The following DLG2 variants were observed in gnomAD, a reference collection of about 807,000 sequenced individuals.
DLG2 encodes the protein discs large MAGUK scaffold protein 2, also known as disks large homolog 2.
A neutral mutation model predicts 132.5 loss-of-function variants in DLG2; 45 were observed. The observed-to-expected ratio is 0.34, with a 90% CI of 0.27 to 0.44. The LOEUF (loss-of-function observed/expected upper bound fraction) is 0.44. DLG2 is among the 20% of genes least tolerant of loss of function. The pLI is 1.00. For synonymous variants in DLG2, 424 were observed against 419.6 expected (o/e 1.01, Z -0.13); for missense variants, 1,045 against 1,196.9 (o/e 0.87, Z 1.87).
chr11:84,569,410 A>G (rs1363952889), intron 6 of DLG2, among the ~76,000 whole-genome samples: 1 of 152,258 alleles, frequency 6.6e-6, no homozygotes, highest in Non-Finnish European at 1.5e-5. Flanking sequence ...ATGGAGATAT[A>G]TAAATGACTG....
At chr11:85,228,944 T>C (rs2152636438) in intron 4 of DLG2, among the ~76,000 whole-genome samples, 1 of 151,460 alleles carries the variant, frequency 6.6e-6, no homozygotes, top group East Asian at 1.9e-4. Flanking sequence ...ATATATATAG[T>C]ATTTTATTTT....
intron 6 of DLG2, among the ~76,000 whole-genome samples, chr11:84,939,742 A>T (rs2049163343): frequency 6.6e-6 from 1 of 152,206 alleles, no homozygotes; most frequent in Non-Finnish European, 1.5e-5. Flanking sequence ...TGGTATTGCA[A>T]ATGACAGTAT....
chr11:83,577,315 T>A (rs536716041), intron 19 of DLG2, among the ~76,000 whole-genome samples: 3 of 150,476 alleles, frequency 2.0e-5, no homozygotes, highest in Admixed American at 1.3e-4. Context: ...AATATATATA[T>A]ATCTTATTAG....
intron 4 of DLG2, among the ~76,000 whole-genome samples, chr11:85,179,237 CA>C (rs2152508475): frequency 6.6e-6 from 1 of 151,934 alleles, no homozygotes. Flanking sequence ...GCTAAATTAT[CA>C]TGCAAAAGGG....
At chr11:84,845,763 T>C (rs1358642491) in intron 6 of DLG2, among the ~76,000 whole-genome samples, 1 of 151,142 alleles carries the variant, frequency 6.6e-6, no homozygotes, top group Non-Finnish European at 1.5e-5. Context: ...CACTGCAACC[T>C]TCACCTCTTG....
intron 8 of DLG2, among the ~76,000 whole-genome samples, chr11:84,196,707 A>G (rs1414910652): frequency 6.6e-6 from 1 of 152,190 alleles, no homozygotes; most frequent in Non-Finnish European, 1.5e-5. Flanking sequence ...ACATTTATTT[A>G]TGTTTATAGA....
chr11:85,018,790 CT>C (rs59380438), intron 6 of DLG2, among the ~76,000 whole-genome samples: 23,698 of 135,474 alleles, frequency 0.17, 1,421 homozygotes, highest in South Asian at 0.28. Context: ...AACATGCCTT[CT>C]TTTTTTTTTT....
chr11:83,565,202 A>T (rs683125), intron 19 of DLG2, among the ~76,000 whole-genome samples: 21 of 151,850 alleles, frequency 1.4e-4, no homozygotes, highest in Non-Finnish European at 2.8e-4. Context: ...TAATATGACC[A>T]TTGTGCTGGA....
At chr11:84,425,756 G>C (rs544933531) in intron 7 of DLG2, among the ~76,000 whole-genome samples, 4 of 152,240 alleles carry the variant, frequency 2.6e-5, no homozygotes, top group African/African-American at 7.2e-5. Context: ...AAACAGAAAA[G>C]AGAAAGTGGT....
chr11:84,188,171 T>C (rs1026019222), intron 8 of DLG2, among the ~76,000 whole-genome samples: 1 of 152,156 alleles, frequency 6.6e-6, no homozygotes, highest in African/African-American at 2.4e-5. Flanking sequence ...AGGGAGCCAC[T>C]TAGACTTCAA....
At chr11:84,329,565 C>T (rs1202950935) in intron 7 of DLG2, among the ~76,000 whole-genome samples, 4 of 152,172 alleles carry the variant, frequency 2.6e-5, no homozygotes, top group Non-Finnish European at 1.5e-5. Context: ...TTACTGAGGC[C>T]TCCCCAGCCA....
chr11:85,590,158 G>A (rs978923326), intron 3 of DLG2, among the ~76,000 whole-genome samples: 10 of 152,132 alleles, frequency 6.6e-5, no homozygotes, highest in African/African-American at 2.4e-4. Context: ...AGAGCCTAAT[G>A]TGGTGTCTCT....
intron 6 of DLG2, among the ~76,000 whole-genome samples, chr11:85,008,840 A>C (rs2154134279): frequency 6.6e-6 from 1 of 152,208 alleles, no homozygotes; most frequent in South Asian, 2.1e-4. Flanking sequence ...TCATATACTG[A>C]TTGATGCTAT....
intron 19 of DLG2, among the ~76,000 whole-genome samples, chr11:83,583,348 G>A (rs7130884): frequency 0.012 from 1,761 of 152,190 alleles, 28 homozygotes; most frequent in African/African-American, 0.04. Flanking sequence ...ACATATTACC[G>A]AAAGCCTGCA....
intron 7 of DLG2, among the ~76,000 whole-genome samples, chr11:84,444,095 G>C (rs1001135987): frequency 6.6e-6 from 1 of 151,540 alleles, no homozygotes; most frequent in African/African-American, 2.4e-5. Flanking sequence ...TTTATCATCA[G>C]CCAATTAATG....
intron 7 of DLG2, among the ~76,000 whole-genome samples, chr11:84,501,563 T>C (rs1353980521): frequency 6.6e-6 from 1 of 151,972 alleles, no homozygotes; most frequent in Non-Finnish European, 1.5e-5. Flanking sequence ...CGAGACTCCG[T>C]CTAAAAAAAA....
At chr11:83,937,025 T>C (rs998960932) in intron 14 of DLG2, among the ~76,000 whole-genome samples, 1 of 152,206 alleles carries the variant, frequency 6.6e-6, no homozygotes, top group Admixed American at 6.5e-5. Flanking sequence ...GTTTAAACTC[T>C]TACACTTTTG....
intron 9 of DLG2, among the ~76,000 whole-genome samples, chr11:84,129,947 C>T (rs2094346800): frequency 6.6e-6 from 1 of 151,810 alleles, no homozygotes; most frequent in African/African-American, 2.4e-5. Flanking sequence ...TATATAAATC[C>T]TATATTAAAT....
intron 3 of DLG2, among the ~76,000 whole-genome samples, chr11:85,310,447 A>G (rs940018055): frequency 6.6e-6 from 1 of 152,194 alleles, no homozygotes; most frequent in African/African-American, 2.4e-5. Flanking sequence ...TTCCAAAGCT[A>G]CGCCCCAATC....
Sources: allele counts gnomAD v4.1 joint callset (sites outside exome capture counted in the v4.1 genomes callset), GRCh38; gene constraint gnomAD v4.1.1; transcripts MANE v1.5; gene names NCBI Gene and HGNC (gene_info 2026-07-23, HGNC 2026-07-21).